Variants in SAMD12 observed in about 807,000 individuals in gnomAD.
SAMD12 encodes the protein sterile alpha motif domain-containing protein 12.
In SAMD12, 9 loss-of-function variants were observed where a neutral mutation model predicts 15.0. That is an observed-to-expected ratio of 0.60 (90% CI 0.36 to 1.05). The LOEUF (loss-of-function observed/expected upper bound fraction) is 1.05, where lower values mean the gene tolerates loss of function less well. SAMD12 is among the 50% of genes least tolerant of loss of function. SAMD12 has a pLI of 0.01. For synonymous variants in SAMD12, 86 were observed against 90.1 expected (o/e 0.96, Z 0.25); for missense variants, 230 against 234.2 (o/e 0.98, Z 0.12).
chr8:118,523,274 T>C (rs1183214430), intron 2 of SAMD12, among the ~76,000 whole-genome samples: 1 of 152,162 alleles, frequency 6.6e-6, no homozygotes, highest in Non-Finnish European at 1.5e-5. Context: ...AGTTGTTCTT[T>C]GCTTGTGGAC....
At chr8:118,468,769 G>A (rs1279505787) in intron 2 of SAMD12, among the ~76,000 whole-genome samples, 1 of 151,984 alleles carries the variant, frequency 6.6e-6, no homozygotes, top group Non-Finnish European at 1.5e-5. Context: ...CACAACTTTT[G>A]GTAGTTTATC....
At chr8:118,370,533 C>T (rs1396388474) in intron 4 of SAMD12, among the ~76,000 whole-genome samples, 1 of 152,082 alleles carries the variant, frequency 6.6e-6, no homozygotes, top group Non-Finnish European at 1.5e-5. Flanking sequence ...TGGAGTCAAC[C>T]CAAACGTCAA....
intron 2 of SAMD12, among the ~76,000 whole-genome samples, chr8:118,502,250 T>G (rs189933088): frequency 1.8e-3 from 281 of 152,322 alleles, no homozygotes; most frequent in Middle Eastern, 3.4e-3. Flanking sequence ...AGGTTCAATA[T>G]ATAAATAGAA....
At chr8:118,489,718 A>T (rs948069380) in intron 2 of SAMD12, among the ~76,000 whole-genome samples, 3 of 152,194 alleles carry the variant, frequency 2.0e-5, no homozygotes, top group African/African-American at 7.2e-5. Flanking sequence ...AACTAATTTA[A>T]AACATTTTTA....
chr8:118,374,749 C>A (rs990385836), downstream of SAMD12, among the ~76,000 whole-genome samples: 1 of 151,998 alleles, frequency 6.6e-6, no homozygotes, highest in Non-Finnish European at 1.5e-5. Context: ...TCACTTCATA[C>A]GCCTATTGGC....
intron 3 of SAMD12, among the ~76,000 whole-genome samples, chr8:118,419,586 TG>T (rs1821898304): frequency 6.6e-6 from 1 of 152,236 alleles, no homozygotes; most frequent in South Asian, 2.1e-4. Flanking sequence ...CTTCATCCTT[TG>T]CTCTGTAGCT....
chr8:118,523,229 T>TG (rs1825440721), intron 2 of SAMD12, among the ~76,000 whole-genome samples: 1 of 151,618 alleles, frequency 6.6e-6, no homozygotes, highest in Non-Finnish European at 1.5e-5. Flanking sequence ...AGGAGGGAGG[T>TG]GGGGGGCACT....
intron 2 of SAMD12, among the ~76,000 whole-genome samples, chr8:118,443,477 CA>C (rs5894434): frequency 1.1e-3 from 156 of 144,292 alleles, no homozygotes; most frequent in East Asian, 3.6e-3. Context: ...AACACTGTCT[CA>C]AAAAAAAAAA....
At chr8:118,253,410 T>G (rs1301321568) in intron 4 of SAMD12, among the ~76,000 whole-genome samples, 1 of 152,228 alleles carries the variant, frequency 6.6e-6, no homozygotes, top group Non-Finnish European at 1.5e-5. Flanking sequence ...TACAGTAAAC[T>G]ATCTTAAACT....
At chr8:118,303,336 A>G (rs528295998) in intron 4 of SAMD12, among the ~76,000 whole-genome samples, 2 of 152,336 alleles carry the variant, frequency 1.3e-5, no homozygotes, top group Admixed American at 1.3e-4. Context: ...CATAAGCATT[A>G]CTGGAGGTTC....
At chr8:118,243,820 C>G (rs1048556211) in intron 4 of SAMD12, among the ~76,000 whole-genome samples, 3 of 152,028 alleles carry the variant, frequency 2.0e-5, no homozygotes, top group African/African-American at 7.2e-5. Flanking sequence ...AGGTGTAAAA[C>G]TTTAAAGAGC....
the SAMD12 span, among the ~76,000 whole-genome samples, chr8:118,138,722 G>A: frequency 2.0e-5 from 3 of 152,214 alleles, no homozygotes; most frequent in African/African-American, 4.8e-5. Context: ...AAATATAGGC[G>A]AGATGGCAGG....
chr8:118,469,581 G>C (rs1226970445), intron 2 of SAMD12, among the ~76,000 whole-genome samples: 1 of 47,932 alleles, frequency 2.1e-5, no homozygotes, highest in Non-Finnish European at 3.9e-5. Context: ...TATTTTTTTT[G>C]AGGCAGAGTC....
chr8:118,474,215 C>A (rs559967820), intron 2 of SAMD12, among the ~76,000 whole-genome samples: 53 of 152,158 alleles, frequency 3.5e-4, no homozygotes, highest in African/African-American at 1.2e-3. Context: ...CCCACCTCGG[C>A]CTCCCAAAGT....
chr8:118,453,989 C>T (rs1359328357), intron 2 of SAMD12, among the ~76,000 whole-genome samples: 1 of 152,166 alleles, frequency 6.6e-6, no homozygotes, highest in African/African-American at 2.4e-5. Context: ...AGACCTGCTA[C>T]AAAGGGGCCA....
intron 4 of SAMD12, among the ~76,000 whole-genome samples, chr8:118,300,919 T>A (rs1326593649): frequency 6.6e-6 from 1 of 152,244 alleles, no homozygotes. Flanking sequence ...TTTAACATGA[T>A]GCATAAAGAT....
intron 4 of SAMD12, among the ~76,000 whole-genome samples, chr8:118,207,511 T>C (rs929798042): frequency 6.6e-6 from 1 of 152,164 alleles, no homozygotes; most frequent in African/African-American, 2.4e-5. Context: ...TACCTTGAAG[T>C]ATAATCTAAG....
chr8:118,306,666 C>T (rs979189057), intron 4 of SAMD12, among the ~76,000 whole-genome samples: 1 of 152,160 alleles, frequency 6.6e-6, no homozygotes, highest in African/African-American at 2.4e-5. Context: ...TTTACATGAG[C>T]AGCAAATAAA....
chr8:118,473,261 T>C (rs1485513415), intron 2 of SAMD12, among the ~76,000 whole-genome samples: 1 of 152,222 alleles, frequency 6.6e-6, no homozygotes, highest in East Asian at 1.9e-4. Flanking sequence ...TCTTGCTCTG[T>C]CCCCTGGTGG....
Sources: allele counts gnomAD v4.1 joint callset (sites outside exome capture counted in the v4.1 genomes callset), GRCh38; gene constraint gnomAD v4.1.1; transcripts MANE v1.5; gene names NCBI Gene and HGNC (gene_info 2026-07-23, HGNC 2026-07-21).